Variants in CEMIP observed in about 807,000 individuals in gnomAD.
The protein encoded by CEMIP is cell migration-inducing and hyaluronan-binding protein.
In CEMIP, 105 loss-of-function variants were observed where a neutral mutation model predicts 156.9. The ratio of observed to expected loss-of-function variants is 0.67; its 90% confidence interval spans 0.57 to 0.79. The LOEUF is 0.79. Ranked by LOEUF, CEMIP falls within the 30% of genes least tolerant of loss-of-function variation. CEMIP has a pLI of 0.00. For missense variants in CEMIP, 1,457 were observed against 1,769.4 expected, an observed-to-expected ratio of 0.82 and a Z score of 3.17; for synonymous variants, 676 against 668.4, an observed-to-expected ratio of 1.01 and a Z score of -0.17.
chr15:80,899,957 C>T (rs1484601807), intron 12 of CEMIP, among the ~76,000 whole-genome samples: 1 of 152,162 alleles, frequency 6.6e-6, no homozygotes, highest in Non-Finnish European at 1.5e-5. Context: ...ATAAGATGAT[C>T]CATGGGCCTG....
chr15:80,807,054 A>G (rs1388452812), intron 1 of CEMIP, among the ~76,000 whole-genome samples: 1 of 152,224 alleles, frequency 6.6e-6, no homozygotes, highest in Non-Finnish European at 1.5e-5. Flanking sequence ...TCAGTGTCAG[A>G]AACAAAAAGT....
intron 23 of CEMIP, among the ~76,000 whole-genome samples, chr15:80,934,666 G>C (rs577405874): frequency 2.0e-5 from 3 of 152,264 alleles, no homozygotes; most frequent in East Asian, 1.9e-4. Flanking sequence ...TGGTGGTTTG[G>C]GGGTGGAGGA....
intron 3 of CEMIP, among the ~76,000 whole-genome samples, chr15:80,876,013 A>G (rs553894773): frequency 6.6e-6 from 1 of 152,342 alleles, no homozygotes; most frequent in South Asian, 2.1e-4. Flanking sequence ...GCACTTGGAG[A>G]GTGAAAAGAA....
intron 7 of CEMIP, 125 bp downstream of exon 7, chr15:80,884,479 C>A: frequency 1.1e-6 from 1 of 950,962 alleles, no homozygotes; most frequent in Non-Finnish European, 1.7e-6. Context: ...CTAGTGGATG[C>A]AGGCATTTGC....
chr15:80,947,087 T>G, intron 29 of CEMIP, 22 bp downstream of exon 29: 1 of 1,496,358 alleles, frequency 6.7e-7, no homozygotes, highest in Non-Finnish European at 9.3e-7. Context: ...AACTGGGGTT[T>G]AAACTGACCC....
rs74596505 is a variant in CEMIP at position 80,901,026 on chromosome 15, A to T, written c.1411+4966A>T. ...AAATGCATGAATCATCTAAAAAAAA[A>T]TTTCAAAATTTTGTCAACCACAGTA... On this transcript the variant is annotated intron_variant, in intron 12 of 29. Transcript: ENST00000394685. 2,664 of 452,552 alleles carry T rather than the reference A, an allele frequency of 5.9e-3. 51 individuals carry two copies. Among genetic ancestry groups the T allele is most frequent in the African/African-American group, 0.048 (2,399 of 49,814 alleles). The allele number at this position is 452,552 out of a possible 1,614,324, so 28.0% of individuals were successfully genotyped here. A position where few individuals can be genotyped will look rare whatever the true frequency, so the allele number is the denominator to read the frequency against.
chr15:80,800,320 G>A (rs1261905665), intron 1 of CEMIP, among the ~76,000 whole-genome samples: 1 of 152,030 alleles, frequency 6.6e-6, no homozygotes, highest in Admixed American at 6.5e-5. Context: ...CTCTGTCTGG[G>A]ACTGCCGAGA....
intron 23 of CEMIP, 97 bp downstream of exon 23, chr15:80,933,557 A>T: frequency 1.1e-6 from 1 of 906,100 alleles, no homozygotes; most frequent in Admixed American, 2.7e-5. Flanking sequence ...GTTTCAGGCC[A>T]GAAAGAGATA....
At position 80,949,274 on chromosome 15, in the gene CEMIP, GCCCTGAC is replaced by G; in HGVS notation, c.*353_*359del. On this transcript the variant is annotated 3_prime_UTR_variant, in exon 30 of 30. Coordinates refer to ENST00000394685, the MANE Select transcript of CEMIP (RefSeq NM_001293298.2). ...ACAGCAAAGATCCACTTTGGCAGGAGCCCTGACCCAGCTAGGAGGTAGTCTGGAGGGC... is the reference window on the plus strand; with the variant it reads ...ACAGCAAAGATCCACTTTGGCAGGAGCCAGCTAGGAGGTAGTCTGGAGGGC... The G allele has an allele frequency of 2.6e-6, 1 of 379,952 alleles. No individual in the cohort carries two copies. The highest frequency in any genetic ancestry group is 2.1e-5 in the African/African-American group (1 of 48,040). 23.5% of individuals were successfully genotyped at this position (379,952 alleles called of 1,614,324 possible).
At chr15:80,909,364 G>A (rs1899953542) in intron 14 of CEMIP, 58 bp downstream of exon 14, 1 of 1,554,692 alleles carries the variant, frequency 6.4e-7, no homozygotes, top group Non-Finnish European at 8.9e-7. Context: ...GTTAGCACTG[G>A]AGGGGTGTTT....
Position 80,830,884 on chromosome 15 carries a change from C to T in CEMIP, c.-175-42654C>T, listed in dbSNP as rs79783269. Among the ~76,000 whole-genome samples, 1,149 of 152,140 alleles carry T rather than the reference C, an allele frequency of 7.6e-3. 16 individuals are homozygous for T. The highest frequency in any genetic ancestry group is 0.026 in the African/African-American group (1,068 of 41,500). On this transcript the variant is annotated intron_variant, in intron 1 of 29. Transcript: ENST00000394685. ...CTTCTCTGAGGCTCAGTTTCCATAC[C>T]TGTAAAATGGGGGCAATAATATCTG... is the stretch of plus-strand genomic sequence containing the variant.
intron 14 of CEMIP, among the ~76,000 whole-genome samples, chr15:80,910,449 G>C (rs999029240): frequency 6.6e-6 from 1 of 152,246 alleles, no homozygotes; most frequent in Non-Finnish European, 1.5e-5. Flanking sequence ...ACCAAGCAGA[G>C]CGAGCCTCGC....
At chr15:80,819,072 T>A (rs561916457) in intron 1 of CEMIP, among the ~76,000 whole-genome samples, 5 of 152,342 alleles carry the variant, frequency 3.3e-5, no homozygotes, top group African/African-American at 1.2e-4. Flanking sequence ...AGGTAACACA[T>A]CTTTCTAGAG....
At position 80,933,408 on chromosome 15, in the gene CEMIP, G is replaced by C. The variant is rs1462962163; in HGVS notation, c.2957G>C (p.Cys986Ser). The C allele has an allele frequency of 1.9e-6, 3 of 1,614,138 alleles. No individual in the cohort carries two copies. The highest frequency in any genetic ancestry group is 2.5e-6 in the Non-Finnish European group (3 of 1,180,024). Reference protein sequence around the residue: ...NDNWLVRHPDCINVPDWRGAI... With the variant: ...NDNWLVRHPDSINVPDWRGAI... ...AACTGGCTGGTCCGGCACCCAGACT[G>C]CATCAATGTTCCCGACTGGAGAGGG... The change falls in exon 23 of 30, where the codon TGC becomes TCC. Residue 986 changes from cysteine to serine, a missense_variant. Cys to Ser is a moderately radical substitution (Grantham distance 112). Coordinates refer to ENST00000394685, the MANE Select transcript of CEMIP (RefSeq NM_001293298.2).
At chr15:80,925,377 G>A (rs1475385372) in intron 18 of CEMIP, among the ~76,000 whole-genome samples, 4 of 152,168 alleles carry the variant, frequency 2.6e-5, no homozygotes, top group Non-Finnish European at 5.9e-5. Flanking sequence ...TCTGTGTTTT[G>A]GCCCCACTTG....
intron 6 of CEMIP, among the ~76,000 whole-genome samples, chr15:80,883,095 T>C (rs949278055): frequency 3.3e-5 from 5 of 152,218 alleles, no homozygotes; most frequent in Non-Finnish European, 7.3e-5. Flanking sequence ...GGTACCAACA[T>C]TGTTTTTCTT....
At chr15:80,898,965 A>G (rs1899346216) in intron 12 of CEMIP, among the ~76,000 whole-genome samples, 1 of 152,196 alleles carries the variant, frequency 6.6e-6, no homozygotes. Flanking sequence ...CTGTAATTCC[A>G]GGACTTTGGG....
chr15:80,813,220 G>C (rs967722832), intron 1 of CEMIP, among the ~76,000 whole-genome samples: 3 of 152,136 alleles, frequency 2.0e-5, no homozygotes, highest in African/African-American at 7.2e-5. Context: ...TCCTTCAAAA[G>C]GTTGTAGTGA....
intron 1 of CEMIP, among the ~76,000 whole-genome samples, chr15:80,853,063 A>G (rs1295296526): frequency 6.6e-6 from 1 of 152,196 alleles, no homozygotes; most frequent in East Asian, 1.9e-4. Context: ...CAGAGATGGT[A>G]CTGTTAGCAC....
Sources: allele counts gnomAD v4.1 joint callset (sites outside exome capture counted in the v4.1 genomes callset), GRCh38; gene constraint gnomAD v4.1.1; transcripts MANE v1.5; gene names NCBI Gene and HGNC (gene_info 2026-07-23, HGNC 2026-07-21).